Variants in SMYD1 observed in about 807,000 individuals in gnomAD.
SMYD1 encodes histone-lysine N-methyltransferase SMYD1.
A neutral mutation model predicts 54.0 loss-of-function variants in SMYD1; 49 were observed. The ratio of observed to expected loss-of-function variants is 0.91; its 90% CI spans 0.72 to 1.15. SMYD1 has a LOEUF of 1.15. SMYD1 is among the 50% of genes most tolerant of loss of function. The pLI is 0.00. For synonymous variants in SMYD1, 269 were observed against 234.2 expected, an observed-to-expected ratio of 1.15 and a Z score of -1.36; for missense variants, 653 against 639.6, an observed-to-expected ratio of 1.02 and a Z score of -0.23.
chr2:88,084,649 G>A (rs1324522427), intron 2 of SMYD1, among the ~76,000 whole-genome samples, 157 bp downstream of exon 2: 1 of 152,206 alleles, frequency 6.6e-6, no homozygotes, highest in Admixed American at 6.5e-5. Context: ...ACTCCCTTAA[G>A]GTCTAAGAGG....
At chr2:88,107,891 C>A (rs1444628988) in intron 8 of SMYD1, among the ~76,000 whole-genome samples, 1 of 152,232 alleles carries the variant, frequency 6.6e-6, no homozygotes, top group Non-Finnish European at 1.5e-5. Context: ...TTGCACTTCC[C>A]AGGTGAGGTC....
intron 1 of SMYD1, among the ~76,000 whole-genome samples, chr2:88,080,889 GATA>G (rs1452077258): frequency 2.0e-5 from 3 of 149,940 alleles, no homozygotes; most frequent in Non-Finnish European, 4.4e-5. Flanking sequence ...TGAGCTGATG[GATA>G]TATTCATTAT....
At chr2:88,097,300 G>C (rs531757324) in intron 6 of SMYD1, among the ~76,000 whole-genome samples, 2 of 152,320 alleles carry the variant, frequency 1.3e-5, no homozygotes, top group South Asian at 4.1e-4. Context: ...CTGGGTAGCT[G>C]TTGCCAGTTG....
chr2:88,092,749 G>T (rs181030190), intron 4 of SMYD1, among the ~76,000 whole-genome samples: 1 of 152,236 alleles, frequency 6.6e-6, no homozygotes, highest in Non-Finnish European at 1.5e-5. Flanking sequence ...TGTTGACTGA[G>T]CTTGACCTGG....
At chr2:88,106,776 G>A (rs952536502) in intron 8 of SMYD1, among the ~76,000 whole-genome samples, 2 of 152,148 alleles carry the variant, frequency 1.3e-5, no homozygotes, top group Non-Finnish European at 2.9e-5. Flanking sequence ...ACTTCCTTCA[G>A]GCTAACCCCA....
chr2:88,091,245 A>G (rs1336137414), intron 4 of SMYD1, 103 bp downstream of exon 4: 5 of 1,294,182 alleles, frequency 3.9e-6, no homozygotes, highest in Non-Finnish European at 5.3e-6. Flanking sequence ...AACCTGAACT[A>G]GCATAAATTT....
At chr2:88,074,661 T>A (rs537357197) in intron 1 of SMYD1, among the ~76,000 whole-genome samples, 96 of 152,324 alleles carry the variant, frequency 6.3e-4, no homozygotes, top group South Asian at 2.5e-3. Context: ...GATTTTTTTT[T>A]AAAAGTTCTT....
rs539019436 is a variant in SMYD1 at position 88,107,919 on chromosome 2, G to A, written c.1146-452G>A. Among the ~76,000 whole-genome samples, 9 of 152,306 alleles carry A rather than the reference G, an allele frequency of 5.9e-5. No homozygotes were observed. The South Asian group carries it at 1.0e-3, about 18-fold the overall frequency. ...GTGAGGTCATGCCTTGCCCTGCTTC[G>A]GCTTACACTCGGTGCGCTGCACCCA... is the stretch of plus-strand genomic sequence containing the variant. On this transcript the variant is annotated intron_variant, in intron 8 of 9. Coordinates refer to ENST00000419482, the MANE Select transcript of SMYD1 (RefSeq NM_198274.4).
In SMYD1 at chr2:88,111,794, C is replaced by G; in HGVS notation, c.*1282C>G. On this transcript the variant is annotated 3_prime_UTR_variant, in exon 10 of 10. Coordinates refer to ENST00000419482, the MANE Select transcript of SMYD1 (RefSeq NM_198274.4). The stretch of plus-strand genomic sequence containing the variant: ...TGTTATCTACTGAGACCCCAAATTT[C>G]TCACCAATGTTTTGGGAGATCCTGG... 2.7e-6 allele frequency: 1 copy of G among 371,066 alleles called. No homozygotes were observed. Among genetic ancestry groups the G allele is most frequent in the Non-Finnish European group, 5.0e-6 (1 of 201,172 alleles). The allele number at this position is 371,066 out of a possible 1,614,324, so 23.0% of individuals were successfully genotyped here. A position where few individuals can be genotyped will look rare whatever the true frequency, so the allele number is the denominator to read the frequency against.
intron 1 of SMYD1, among the ~76,000 whole-genome samples, chr2:88,073,432 G>A (rs1266271002): frequency 6.6e-6 from 1 of 152,192 alleles, no homozygotes; most frequent in Non-Finnish European, 1.5e-5. Context: ...ATTCAGTAAT[G>A]GGATTTCTGG....
At chr2:88,079,368 A>T (rs1483707885) in intron 1 of SMYD1, among the ~76,000 whole-genome samples, 2 of 152,172 alleles carry the variant, frequency 1.3e-5, no homozygotes, top group Admixed American at 1.3e-4. Context: ...AAGTGTATTA[A>T]GTTAGTTAAT....
rs1674935901 is a variant in SMYD1, at chr2:88,108,462, C to T, written c.1237C>T (p.His413Tyr). 6.2e-7 allele frequency: 1 copy of T among 1,612,600 alleles called. No individual in the cohort carries two copies. Among genetic ancestry groups the T allele is most frequent in the South Asian group, 1.1e-5 (1 of 90,798 alleles). ...GCATGCTGGTAACATTGAGGTGGGG[C>T]ACGGGATGATCTGCAAAGCCTATGC... is the stretch of plus-strand genomic sequence containing the variant. ...NWHAGNIEVG[H>Y]GMICKAYAIL... Residue 413 changes from histidine (H) to tyrosine (Y), a missense_variant, in exon 9 of 10, where the codon CAC becomes TAC. Transcript: ENST00000419482.
At chr2:88,089,514 C>A (rs1312982163) in intron 3 of SMYD1, among the ~76,000 whole-genome samples, 1 of 151,692 alleles carries the variant, frequency 6.6e-6, no homozygotes, top group East Asian at 1.9e-4. Flanking sequence ...CCTCCAAAAG[C>A]CACATGGTCA....
At chr2:88,068,615 T>G (rs1573097809) in intron 1 of SMYD1, among the ~76,000 whole-genome samples, 3 of 151,682 alleles carry the variant, frequency 2.0e-5, no homozygotes, top group South Asian at 2.1e-4. Context: ...TGTCTGGTTT[T>G]TTTTTTTTTT....
In SMYD1 at chr2:88,087,906, G is replaced by C; in HGVS notation, c.359G>C (p.Gly120Ala). 6.2e-7 allele frequency: 1 copy of C among 1,610,534 alleles called. No individual in the cohort carries two copies. Among genetic ancestry groups the C allele is most frequent in the Non-Finnish European group, 8.5e-7 (1 of 1,178,144 alleles). ...IMWRVEREGTGLTEGCLVSVD... is the reference protein window; with the variant it reads ...IMWRVEREGTALTEGCLVSVD... ...TGGCGGGTGGAGAGAGAAGGCACCG[G>C]GCTCACGGAGGGCTGCCTGGTGTCC... The change falls in exon 3 of 10, where the codon GGG becomes GCG. Residue 120 changes from glycine (G) to alanine (A), a missense_variant. Gly to Ala is a moderately conservative substitution (Grantham distance 60). Transcript: ENST00000419482.
At chr2:88,070,961 A>AC (rs1673935076) in intron 1 of SMYD1, among the ~76,000 whole-genome samples, 1 of 151,656 alleles carries the variant, frequency 6.6e-6, no homozygotes, top group Non-Finnish European at 1.5e-5. Context: ...AAAAAAAAAA[A>AC]AAAAAACAGT....
At chr2:88,095,334 A>G (rs1305597323) in intron 5 of SMYD1, among the ~76,000 whole-genome samples, 1 of 152,196 alleles carries the variant, frequency 6.6e-6, no homozygotes, top group Non-Finnish European at 1.5e-5. Context: ...TTGTTTTTAT[A>G]CATATTATCA....
At chr2:88,104,143 C>T (rs968919677) in intron 7 of SMYD1, among the ~76,000 whole-genome samples, 20 of 152,032 alleles carry the variant, frequency 1.3e-4, no homozygotes, top group African/African-American at 3.9e-4. Context: ...ATTTTTTGTA[C>T]TTTCAGTAGA....
intron 1 of SMYD1, among the ~76,000 whole-genome samples, chr2:88,073,430 A>C (rs916888678): frequency 8.5e-5 from 13 of 152,152 alleles, no homozygotes; most frequent in African/African-American, 3.1e-4. Flanking sequence ...ATATTCAGTA[A>C]TGGGATTTCT....
Sources: allele counts gnomAD v4.1 joint callset (sites outside exome capture counted in the v4.1 genomes callset), GRCh38; gene constraint gnomAD v4.1.1; transcripts MANE v1.5; gene names NCBI Gene and HGNC (gene_info 2026-07-23, HGNC 2026-07-21).